The following FLCN variants were observed in gnomAD, a reference collection of about 807,000 sequenced individuals.
FLCN encodes folliculin, also known as BHD skin lesion fibrofolliculoma protein.
In FLCN, 22 loss-of-function variants were observed where a neutral mutation model predicts 62.5. The observed-to-expected ratio is 0.35, with a 90% CI of 0.25 to 0.50. FLCN has a LOEUF of 0.50. Among genes scored for constraint, FLCN ranks in the 20% least tolerant of loss-of-function variants. The probability of loss-of-function intolerance (pLI) is 0.97; values close to 1 mark genes in which losing one functional copy is unlikely to be tolerated. For missense variants in FLCN, 657 were observed against 778.0 expected (o/e 0.84, Z 1.85); for synonymous variants, 319 against 310.0 (o/e 1.03, Z -0.30).
chr17:17,221,737 AAC>A lies in FLCN; in HGVS notation c.780-111_780-110del, dbSNP rs903808466. 5.1e-5 allele frequency: 62 copies of A among 1,218,924 alleles called. 1 individual carries two copies. In the Middle Eastern group the frequency reaches 2.0e-3, roughly 40 times the overall value. 75.5% of individuals were successfully genotyped at this position (1,218,924 alleles called of 1,614,324 possible). On this transcript the variant is annotated intron_variant, in intron 7 of 13. Transcript: ENST00000285071. ...TTTAAAGAAAAAATGGGTATAAAAG[AAC>A]ACCAGCAGGGCACAACCAGCCAGAT...
At chr17:17,222,003 T>C (rs1038714302) in intron 7 of FLCN, among the ~76,000 whole-genome samples, 5 of 150,382 alleles carry the variant, frequency 3.3e-5, no homozygotes, top group Admixed American at 1.3e-4. Flanking sequence ...ATTGTGATTA[T>C]ATTTATGGCT....
chr17:17,217,928 A>G (rs574731187), intron 9 of FLCN, among the ~76,000 whole-genome samples: 1 of 152,310 alleles, frequency 6.6e-6, no homozygotes, highest in African/African-American at 2.4e-5. Context: ...CTCCAGAGGA[A>G]TTCCAGACCC....
chr17:17,215,366 CT>C, intron 11 of FLCN, 50 bp from the exon 12 acceptor site: 1 of 1,612,002 alleles, frequency 6.2e-7, no homozygotes, highest in Non-Finnish European at 8.5e-7. Flanking sequence ...TGCTCCTCAC[CT>C]CCCCTGCGCT....
chr17:17,213,493 G>T lies in FLCN; in HGVS notation c.*162C>A. 3.4e-6 allele frequency: 3 copies of T among 888,306 alleles called. No individual in the cohort carries two copies. Among genetic ancestry groups the T allele is most frequent in the Non-Finnish European group, 5.4e-6 (3 of 559,048 alleles). 55.0% of individuals were successfully genotyped at this position (888,306 alleles called of 1,614,324 possible). ...GAGGGAGAGTCTGGGAAGCACACAG[G>T]CCCCAAACCTGACAGGGCCGAGCCC... On this transcript the variant is annotated 3_prime_UTR_variant, in exon 14 of 14. Coordinates refer to ENST00000285071, the MANE Select transcript of FLCN (RefSeq NM_144997.7).
intron 2 of FLCN, among the ~76,000 whole-genome samples, chr17:17,232,096 G>A (rs2047439657): frequency 6.6e-6 from 1 of 152,194 alleles, no homozygotes; most frequent in Admixed American, 6.5e-5. Flanking sequence ...CTTCTAGCTG[G>A]AAGGCCCTGA....
intron 13 of FLCN, among the ~76,000 whole-genome samples, chr17:17,214,410 A>G (rs953517341): frequency 6.6e-6 from 1 of 152,112 alleles, no homozygotes; most frequent in Non-Finnish European, 1.5e-5. Context: ...CCTGGCCAAC[A>G]TGCTAAAACC....
intron 4 of FLCN, 67 bp from the exon 5 acceptor site, chr17:17,226,389 T>C (rs1360105372): frequency 1.3e-6 from 2 of 1,594,012 alleles, no homozygotes; most frequent in South Asian, 1.1e-5. Context: ...CTTAGGTTTA[T>C]GCAAATCTGA....
Position 17,223,993 on chromosome 17 carries a change from T to C in FLCN, c.547A>G (p.Ile183Val), listed in dbSNP as rs2144974717. The change falls in exon 6 of 14, where the codon ATC becomes GTC. Residue 183 changes from isoleucine to valine, a missense_variant. Physicochemically the swap from Ile to Val is conservative, Grantham distance 29. Coordinates refer to ENST00000285071, the MANE Select transcript of FLCN (RefSeq NM_144997.7). ...CCCAGCAGGAAGGGCCAGGAGTTGA[T>C]GAGGTAGATCCGGTCCATCATGATG... The part of the protein sequence containing the change: ...ITIMMDRIYL[I>V]NSWPFLLGKV... 6.2e-7 allele frequency: 1 copy of C among 1,613,614 alleles called. No individual in the cohort carries two copies. The highest frequency in any genetic ancestry group is 8.5e-7 in the Non-Finnish European group (1 of 1,180,002).
Position 17,219,014 on chromosome 17 carries a change from C to T in FLCN, c.1062+5G>A. The T allele has an allele frequency of 6.2e-7, 1 of 1,613,158 alleles. No homozygotes were observed. Among genetic ancestry groups the T allele is most frequent in the Non-Finnish European group, 8.5e-7 (1 of 1,179,904 alleles). On this transcript the variant is annotated splice_donor_5th_base_variant and intron_variant, in intron 9 of 13. Coordinates refer to ENST00000285071, the MANE Select transcript of FLCN (RefSeq NM_144997.7). ...CTCCTGATGCGCTGTGCCCCTGCCG[C>T]CTACCTGCCTCATGTGCCGGAGGGA...
rs2046968161 is a variant in FLCN at position 17,217,698 on chromosome 17, C to A, written c.1063-516G>T. ...TTGGATCCAGGAGATACTACAGGAC[C>A]CATCATGGCTTTTAGTTGTCACGTC... is the stretch of plus-strand genomic sequence containing the variant. On this transcript the variant is annotated intron_variant, in intron 9 of 13. Transcript: ENST00000285071. The A allele has an allele frequency of 1.3e-5, 3 of 222,648 alleles. No homozygotes were observed. The Admixed American group carries it at 1.6e-4, about 12-fold the overall frequency. 13.8% of individuals were successfully genotyped at this position (222,648 alleles called of 1,614,324 possible).
chr17:17,235,850 C>T (rs1261565477), intron 1 of FLCN: 1 of 152,182 alleles, frequency 6.6e-6, no homozygotes, highest in East Asian at 1.9e-4. Flanking sequence ...CATAGGAAGC[C>T]GAAATGCCCT....
At chr17:17,234,288 T>TGCCACC (rs2047517874) in intron 1 of FLCN, among the ~76,000 whole-genome samples, 1 of 149,556 alleles carries the variant, frequency 6.7e-6, no homozygotes, top group Non-Finnish European at 1.5e-5. Context: ...CTCGGATCAC[T>TGCCACC]GCCACCTCCG....
rs145004158 is a variant in FLCN, at chr17:17,215,291, G to A, written c.1326C>T (p.His442=). The change falls in exon 12 of 14, where the codon CAC becomes CAT. Residue 442 remains histidine (H), a synonymous_variant. Coordinates refer to ENST00000285071, the MANE Select transcript of FLCN (RefSeq NM_144997.7). The stretch of plus-strand genomic sequence containing the variant: ...GGTGGAGGGTGGAACGTGCGGCTGC[G>A]TGGACCTCCACGATGACAGCAAACT... ...SSEFAVIVEV[H]AAARSTLHPV... is the part of the protein sequence containing the mutation. 4.3e-5 allele frequency: 70 copies of A among 1,613,968 alleles called. No homozygotes were observed. The African/African-American group carries it at 5.6e-4, about 13-fold the overall frequency.
In FLCN at chr17:17,216,554, C is replaced by T. The variant is rs942836125; in HGVS notation, c.1177-51G>A. 21 of 1,609,954 alleles carry T rather than the reference C, an allele frequency of 1.3e-5. No homozygotes were observed. In the Admixed American group the frequency reaches 2.0e-4, roughly 15 times the overall value. The stretch of plus-strand genomic sequence containing the variant: ...CAAGGACACGAGGAAGCCCTCAGCC[C>T]CGGCCATCCATGCTCTACTACCCAA... On this transcript the variant is annotated intron_variant, in intron 10 of 13. Coordinates refer to ENST00000285071, the MANE Select transcript of FLCN (RefSeq NM_144997.7). This position sits in a 1 kb window ranked among gnomAD's most constrained non-coding sequence, Gnocchi z 4.0.
rs538895646 is a variant in FLCN, at chr17:17,224,366, A to G, written c.397-223T>C. On this transcript the variant is annotated intron_variant, in intron 5 of 13. Coordinates refer to ENST00000285071, the MANE Select transcript of FLCN (RefSeq NM_144997.7). ...ATTGTGGACTGCAAGGGCCGGTAAC[A>G]AGGCTTATTGCTTTTCTTCCACCTT... is the stretch of plus-strand genomic sequence containing the variant. The G allele has an allele frequency of 8.9e-4, 518 of 584,432 alleles. 3 individuals are homozygous for G. The highest frequency in any genetic ancestry group is 5.5e-3 in the Middle Eastern group (12 of 2,166). The allele number at this position is 584,432 out of a possible 1,614,324, so 36.2% of individuals were successfully genotyped here.
In FLCN at chr17:17,222,539, A is replaced by G; in HGVS notation, c.741T>C (p.Asp247=). The G allele has an allele frequency of 6.2e-7, 1 of 1,614,260 alleles. No individual in the cohort carries two copies. The highest frequency in any genetic ancestry group is 2.2e-5 in the East Asian group (1 of 44,892). Residue 247 remains aspartate (D), a synonymous_variant, in exon 7 of 14, where the codon GAT becomes GAC. Transcript: ENST00000285071. ...TGTGCAGGCACGCCCACAGGTTGTC[A>G]TCACTTGTCAGCGATGTCAGCGAGC... ...AARSLTSLTS[D]DNLWACLHTS...
chr17:17,218,746 C>T (rs983643565), intron 9 of FLCN, among the ~76,000 whole-genome samples: 1 of 152,146 alleles, frequency 6.6e-6, no homozygotes. Context: ...TGTTCAATGC[C>T]TTTAGGAGCT....
At chr17:17,224,389 C>A (rs955977749) in intron 5 of FLCN, 20 of 556,566 alleles carry the variant, frequency 3.6e-5, no homozygotes, top group Non-Finnish European at 6.2e-5. Context: ...TTTCTTCCAC[C>A]TTGAGCCATA....
chr17:17,215,576 C>T (rs2046893311), intron 11 of FLCN, among the ~76,000 whole-genome samples: 1 of 152,196 alleles, frequency 6.6e-6, no homozygotes, highest in African/African-American at 2.4e-5. Flanking sequence ...CATCAATTTA[C>T]CTCTGGCTAA....
Sources: gnomAD v4.1 joint callset for allele counts (sites outside exome capture counted in the v4.1 genomes callset) on GRCh38, gnomAD v4.1.1 for gene constraint, Gnocchi (gnomAD v3.1) non-coding constraint, MANE v1.5 for transcripts, NCBI Gene and HGNC (gene_info 2026-07-23, HGNC 2026-07-21) for gene names.